Variants in ST6GAL1 observed in about 807,000 individuals in gnomAD.
ST6GAL1 encodes the protein beta-galactoside alpha-2,6-sialyltransferase 1.
ST6GAL1 carries 20 observed loss-of-function variants against 38.0 expected under a neutral mutation model. That is an observed-to-expected ratio of 0.53 (90% CI 0.37 to 0.77). The LOEUF is 0.77. Among genes scored for constraint, ST6GAL1 ranks in the 30% least tolerant of loss-of-function variants. ST6GAL1 has a pLI of 0.00. For missense variants in ST6GAL1, 432 were observed against 496.4 expected, an observed-to-expected ratio of 0.87 and a Z score of 1.23; for synonymous variants, 196 against 188.2, an observed-to-expected ratio of 1.04 and a Z score of -0.34.
chr3:187,027,650 C>T (rs1426628648), intron 2 of ST6GAL1, among the ~76,000 whole-genome samples: 1 of 152,154 alleles, frequency 6.6e-6, no homozygotes, highest in Non-Finnish European at 1.5e-5. Flanking sequence ...GGCTTCCTTT[C>T]TGTAGAAGCT....
chr3:186,979,319 A>C (rs1337514696), intron 2 of ST6GAL1, among the ~76,000 whole-genome samples: 1 of 152,172 alleles, frequency 6.6e-6, no homozygotes, highest in Non-Finnish European at 1.5e-5. Flanking sequence ...GCATTACTGC[A>C]AATGAGCCTA....
chr3:186,948,423 T>G (rs1714453175), intron 1 of ST6GAL1, among the ~76,000 whole-genome samples: 1 of 152,188 alleles, frequency 6.6e-6, no homozygotes, highest in Admixed American at 6.5e-5. Flanking sequence ...ACCTCTGCTC[T>G]GAGCTAGTGT....
intron 2 of ST6GAL1, among the ~76,000 whole-genome samples, chr3:186,977,165 C>A (rs183105686): frequency 6.6e-6 from 1 of 152,354 alleles, no homozygotes; most frequent in Non-Finnish European, 1.5e-5. Flanking sequence ...TTCCGGGGGT[C>A]TCTGAAGCCT....
chr3:186,940,923 G>A (rs1480615661), intron 1 of ST6GAL1, among the ~76,000 whole-genome samples: 8 of 152,078 alleles, frequency 5.3e-5, no homozygotes, highest in Admixed American at 5.2e-4. Context: ...CATATGGAGA[G>A]ATGGTTGTAA....
intron 2 of ST6GAL1, among the ~76,000 whole-genome samples, chr3:187,009,005 A>G (rs1196077178): frequency 2.0e-5 from 3 of 152,062 alleles, no homozygotes; most frequent in Non-Finnish European, 4.4e-5. Context: ...TTTTTTGGAG[A>G]TAGAATTACT....
intron 2 of ST6GAL1, among the ~76,000 whole-genome samples, chr3:186,967,340 T>G (rs140507107): frequency 2.7e-5 from 4 of 149,360 alleles, no homozygotes; most frequent in African/African-American, 1.0e-4. Context: ...TACAGGCGCC[T>G]GCCACCACAC....
intron 4 of ST6GAL1, chr3:187,043,818 G>C (rs930565881): frequency 1.3e-4 from 20 of 152,270 alleles, no homozygotes; most frequent in African/African-American, 4.3e-4. Context: ...ATCATTTCCA[G>C]GTTCTGAAAT....
chr3:186,936,939 C>CAAAAA lies in ST6GAL1; in HGVS notation c.-325+6124_-325+6128dup, dbSNP rs60914982. ...CCTGGGTGACAGAGCAAGACTGTCT[C>CAAAAA]AAAAAAAAAAAAAAAAAAAAAAAGA... On this transcript the variant is annotated intron_variant, in intron 1 of 7. Coordinates refer to ENST00000169298, the MANE Select transcript of ST6GAL1 (RefSeq NM_173216.2). Among the ~76,000 whole-genome samples the CAAAAA allele has an allele frequency of 2.9e-3, 253 of 87,594 alleles. 1 individual carries two copies. Among genetic ancestry groups the CAAAAA allele is most frequent in the Non-Finnish European group, 4.4e-3 (196 of 44,278 alleles). The allele number at this position is 87,594 out of a possible 152,430, so 57.5% of individuals were successfully genotyped here.
At chr3:187,066,355 G>A (rs1719128662) in intron 5 of ST6GAL1, among the ~76,000 whole-genome samples, 1 of 152,054 alleles carries the variant, frequency 6.6e-6, no homozygotes, top group East Asian at 1.9e-4. Flanking sequence ...AGAGCTCTGC[G>A]GGTCTCTTCT....
chr3:186,967,913 C>A (rs1356538665), intron 2 of ST6GAL1, among the ~76,000 whole-genome samples: 2 of 152,204 alleles, frequency 1.3e-5, no homozygotes, highest in Non-Finnish European at 2.9e-5. Context: ...CCACTTCCTG[C>A]CTTAGCCCAT....
chr3:186,932,276 C>T (rs1713786222), intron 1 of ST6GAL1, among the ~76,000 whole-genome samples: 1 of 152,106 alleles, frequency 6.6e-6, no homozygotes, highest in Non-Finnish European at 1.5e-5. Context: ...AAGTTTAAAC[C>T]GGGTGAAACG....
chr3:186,977,692 G>A (rs371949099), intron 2 of ST6GAL1, among the ~76,000 whole-genome samples: 2 of 152,116 alleles, frequency 1.3e-5, no homozygotes, highest in Non-Finnish European at 2.9e-5. Context: ...ATTCCATCCC[G>A]TGCCTCCAGG....
intron 5 of ST6GAL1, among the ~76,000 whole-genome samples, chr3:187,054,778 G>A (rs948846815): frequency 1.3e-5 from 2 of 152,116 alleles, no homozygotes; most frequent in African/African-American, 4.8e-5. Flanking sequence ...TTTTGTCTCT[G>A]CTAGACTTTG....
intron 1 of ST6GAL1, among the ~76,000 whole-genome samples, chr3:186,936,123 C>G (rs1480359138): frequency 6.6e-6 from 1 of 152,124 alleles, no homozygotes; most frequent in Non-Finnish European, 1.5e-5. Flanking sequence ...TAGAAATTGC[C>G]CTCAGGAGCT....
At chr3:186,984,976 T>C (rs1715859434) in intron 2 of ST6GAL1, among the ~76,000 whole-genome samples, 1 of 151,914 alleles carries the variant, frequency 6.6e-6, no homozygotes, top group African/African-American at 2.4e-5. Context: ...TGGCACGTTC[T>C]CGGCTCACTG....
intron 2 of ST6GAL1, among the ~76,000 whole-genome samples, chr3:187,024,493 T>TAGAG (rs61165191): frequency 2.3e-4 from 20 of 85,796 alleles, no homozygotes; most frequent in South Asian, 3.5e-4. Flanking sequence ...TATATATATA[T>TAGAG]AGAGAGAGAG....
intron 1 of ST6GAL1, among the ~76,000 whole-genome samples, chr3:186,941,476 G>A (rs538951655): frequency 2.2e-3 from 341 of 152,268 alleles, no homozygotes; most frequent in Middle Eastern, 0.01. Context: ...GTGGAAACTA[G>A]GACTTTCTAG....
chr3:187,063,615 C>T (rs1019998206), intron 5 of ST6GAL1, among the ~76,000 whole-genome samples: 16 of 152,280 alleles, frequency 1.1e-4, no homozygotes, highest in Admixed American at 9.2e-4. Context: ...GAGGAGCCCT[C>T]CCTGAGCACT....
chr3:186,935,478 CTT>C (rs1260376024), intron 1 of ST6GAL1, among the ~76,000 whole-genome samples: 1 of 152,096 alleles, frequency 6.6e-6, no homozygotes, highest in African/African-American at 2.4e-5. Flanking sequence ...GCGCATGTGT[CTT>C]TATGGTAGAA....
Sources: allele counts gnomAD v4.1 joint callset (sites outside exome capture counted in the v4.1 genomes callset), GRCh38; gene constraint gnomAD v4.1.1; transcripts MANE v1.5; gene names NCBI Gene and HGNC (gene_info 2026-07-23, HGNC 2026-07-21).